The following LOC128462377 variants were observed in gnomAD, a reference collection of about 807,000 sequenced individuals.
chr16:89,335,667 C>A, the LOC128462377 span, among the ~76,000 whole-genome samples: 1 of 152,232 alleles, frequency 6.6e-6, no homozygotes, highest in African/African-American at 2.4e-5. Context: ...TGTCTCTGCA[C>A]CTCAGCTGAG....
the LOC128462377 span, among the ~76,000 whole-genome samples, chr16:89,396,215 G>A: frequency 1.3e-5 from 2 of 152,230 alleles, no homozygotes; most frequent in African/African-American, 2.4e-5. Context: ...GGAAGAGACA[G>A]GTGCTGCTTT....
chr16:89,317,737 A>G, the LOC128462377 span, among the ~76,000 whole-genome samples: 1 of 152,200 alleles, frequency 6.6e-6, no homozygotes, highest in Non-Finnish European at 1.5e-5. Context: ...CCGAGGACAC[A>G]TACTGTATTA....
At chr16:89,333,698 T>C in the LOC128462377 span, among the ~76,000 whole-genome samples, 2 of 152,242 alleles carry the variant, frequency 1.3e-5, no homozygotes, top group African/African-American at 4.8e-5. Flanking sequence ...GTCTGTCGTC[T>C]GGATGGACCT....
the LOC128462377 span, among the ~76,000 whole-genome samples, chr16:89,353,840 A>G: frequency 1.3e-5 from 2 of 152,184 alleles, no homozygotes; most frequent in African/African-American, 4.8e-5. Flanking sequence ...TGGGAACACA[A>G]CACACATCAG....
the LOC128462377 span, among the ~76,000 whole-genome samples, chr16:89,406,357 G>C: frequency 1.3e-5 from 2 of 152,100 alleles, no homozygotes; most frequent in Non-Finnish European, 2.9e-5. Context: ...ACCCACACCT[G>C]GGCCTCGGCC....
the LOC128462377 span, among the ~76,000 whole-genome samples, chr16:89,405,738 G>A: frequency 6.6e-6 from 1 of 152,062 alleles, no homozygotes; most frequent in Admixed American, 6.5e-5. Context: ...GCCTGTCCAC[G>A]AAGCTCCTCC....
the LOC128462377 span, among the ~76,000 whole-genome samples, chr16:89,355,819 G>C: frequency 6.6e-6 from 1 of 152,176 alleles, no homozygotes; most frequent in African/African-American, 2.4e-5. Context: ...CACGGCAAGG[G>C]TCTGTGGCTC....
At chr16:89,356,643 T>C in the LOC128462377 span, among the ~76,000 whole-genome samples, 2 of 142,874 alleles carry the variant, frequency 1.4e-5, no homozygotes, top group African/African-American at 2.6e-5. Flanking sequence ...TAGCCAGGCG[T>C]GGTGGTGGGT....
the LOC128462377 span, chr16:89,373,114 A>C: frequency 6.6e-6 from 1 of 152,248 alleles, no homozygotes. Flanking sequence ...GGGTTCAAAT[A>C]AAGCCCTTCT....
chr16:89,384,278 C>T, the LOC128462377 span, among the ~76,000 whole-genome samples: 1 of 152,156 alleles, frequency 6.6e-6, no homozygotes. Context: ...CGCCTGTAAT[C>T]CCAGCACTTT....
At chr16:89,393,964 T>C in the LOC128462377 span, among the ~76,000 whole-genome samples, 6 of 152,202 alleles carry the variant, frequency 3.9e-5, no homozygotes, top group Non-Finnish European at 8.8e-5. Context: ...TACGAATAAG[T>C]GAAGCTCAAA....
At chr16:89,341,397 G>C in the LOC128462377 span, among the ~76,000 whole-genome samples, 1 of 152,202 alleles carries the variant, frequency 6.6e-6, no homozygotes, top group South Asian at 2.1e-4. Context: ...ACAGGTTGGA[G>C]GGATAAGGCC....
chr16:89,320,456 T>A, the LOC128462377 span: 1 of 152,260 alleles, frequency 6.6e-6, no homozygotes, highest in South Asian at 2.1e-4. Flanking sequence ...CGCCCTGTGC[T>A]GAGCGGCAAG....
At chr16:89,323,051 G>A in the LOC128462377 span, 1,748 of 297,814 alleles carry the variant, frequency 5.9e-3, 29 homozygotes, top group African/African-American at 0.036. Context: ...CCATGCTTCC[G>A]AGGCTGGTGT....
At chr16:89,337,007 C>CAA in the LOC128462377 span, among the ~76,000 whole-genome samples, 311 of 47,726 alleles carry the variant, frequency 6.5e-3, 14 homozygotes, top group Admixed American at 0.04. Flanking sequence ...CTGGCTCTAC[C>CAA]AAAAAAAAAA....
the LOC128462377 span, chr16:89,324,573 T>TG: frequency 1.0e-4 from 46 of 453,682 alleles, 2 homozygotes; most frequent in South Asian, 2.2e-4. Flanking sequence ...ACCCTCCATC[T>TG]GGGGGGGCAT....
chr16:89,417,949 G>A, the LOC128462377 span, among the ~76,000 whole-genome samples: 1 of 152,210 alleles, frequency 6.6e-6, no homozygotes, highest in Non-Finnish European at 1.5e-5. Flanking sequence ...CAGGGTGGGG[G>A]TCTCAGTCAT....
At chr16:89,395,147 C>T in the LOC128462377 span, among the ~76,000 whole-genome samples, 1 of 152,256 alleles carries the variant, frequency 6.6e-6, no homozygotes, top group Admixed American at 6.5e-5. Context: ...AACACCACCA[C>T]TCAAACGATC....
chr16:89,390,595 C>T, the LOC128462377 span, among the ~76,000 whole-genome samples: 1 of 152,094 alleles, frequency 6.6e-6, no homozygotes, highest in Non-Finnish European at 1.5e-5. Context: ...GACCAAGGCA[C>T]ATCACAGAGG....
Sources: allele counts gnomAD v4.1 joint callset (sites outside exome capture counted in the v4.1 genomes callset), GRCh38; gene constraint gnomAD v4.1.1; transcripts MANE v1.5.